Variants in HNRNPL observed in about 807,000 individuals in gnomAD.
The protein encoded by HNRNPL is heterogeneous nuclear ribonucleoprotein L.
HNRNPL carries 12 observed loss-of-function variants against 64.0 expected under a neutral mutation model. The ratio of observed to expected loss-of-function variants is 0.19; its 90% CI spans 0.12 to 0.30. HNRNPL has a LOEUF of 0.30. Among genes scored for constraint, HNRNPL ranks in the 10% least tolerant of loss-of-function variants. The pLI is 1.00. For missense variants in HNRNPL, 484 were observed against 797.4 expected, an observed-to-expected ratio of 0.61 and a Z score of 4.73; for synonymous variants, 385 against 313.0, an observed-to-expected ratio of 1.23 and a Z score of -2.43.
intron 10 of HNRNPL, 96 bp from the exon 11 acceptor site, chr19:38,837,747 G>C: frequency 2.0e-6 from 2 of 1,023,316 alleles, no homozygotes; most frequent in African/African-American, 1.6e-5. Flanking sequence ...AGTACTTGAA[G>C]TTTTCAGGAG....
intron 6 of HNRNPL, chr19:38,840,884 A>G (rs768469707): frequency 8.2e-5 from 30 of 364,386 alleles, no homozygotes; most frequent in Admixed American, 3.9e-4. Context: ...TGCAGCTGCT[A>G]CAGAAGCTGA....
intron 4 of HNRNPL, 160 bp downstream of exon 4, chr19:38,845,490 T>G: frequency 1.5e-6 from 1 of 650,158 alleles, no homozygotes; most frequent in South Asian, 1.8e-5. Context: ...GCCTGGTCCT[T>G]TAACTGCCTC....
rs2145441360 is a variant in HNRNPL, at chr19:38,849,703, A to G, written c.264T>C (p.Gly88=). The G allele has an allele frequency of 2.9e-6, 4 of 1,356,694 alleles. No homozygotes were observed. Among genetic ancestry groups the G allele is most frequent in the Non-Finnish European group, 3.8e-6 (4 of 1,064,654 alleles). 84.0% of individuals were successfully genotyped at this position (1,356,694 alleles called of 1,614,324 possible). ...GGAGAAGGGG[G]GENYDDPHKT... ...GCGCCTAGGGCCCTGGCCTCACCCC[A>G]CCGCCGCCGCCGCCCGCCGCCCCGG... Residue 88 remains glycine (G), a synonymous_variant, in exon 1 of 13, where the codon GGT becomes GGC. Coordinates refer to ENST00000221419, the MANE Select transcript of HNRNPL (RefSeq NM_001533.3).
chr19:38,840,044 TGGCAAGATACGA>T, intron 8 of HNRNPL, 40 bp downstream of exon 8: 1 of 1,581,034 alleles, frequency 6.3e-7, no homozygotes, highest in Middle Eastern at 1.7e-4. Flanking sequence ...CCGTGCTGAC[TGGCAAGATACGA>T]GGCTCAGCGA....
At chr19:38,838,350 C>T (rs778637354) in intron 10 of HNRNPL, 47 bp downstream of exon 10, 24 of 1,497,460 alleles carry the variant, frequency 1.6e-5, no homozygotes, top group South Asian at 9.4e-5. Context: ...CCTACTCAGA[C>T]GGCCGTGGCA....
intron 6 of HNRNPL, chr19:38,841,852 G>A: frequency 2.6e-6 from 1 of 381,042 alleles, no homozygotes; most frequent in South Asian, 2.0e-5. Flanking sequence ...TATGAAGTGG[G>A]TAGTGTCCCT....
intron 1 of HNRNPL, 48 bp from the exon 2 acceptor site, chr19:38,847,482 G>A (rs1332410911): frequency 8.3e-7 from 1 of 1,206,672 alleles, no homozygotes; most frequent in African/African-American, 1.6e-5. Context: ...TGTACAAGAT[G>A]ACGCCCCACT....
chr19:38,849,930 G>A lies in HNRNPL; in HGVS notation c.37C>T (p.Arg13Cys), dbSNP rs1345353854. Residue 13 changes from arginine (R) to cysteine (C), a missense_variant, in exon 1 of 13, where the codon CGT becomes TGT. Coordinates refer to ENST00000221419, the MANE Select transcript of HNRNPL (RefSeq NM_001533.3). Reference sequence around the variant, plus strand: ...TGCTGCCTCTGCTCCAGCCGCCGACGCCGCTTCTCCGCCCGGGGCAGCAGC... The same window carrying A: ...TGCTGCCTCTGCTCCAGCCGCCGACACCGCTTCTCCGCCCGGGGCAGCAGC... ...RRLLPRAEKR[R>C]RRLEQRQQPD... 4 of 1,355,790 alleles carry A rather than the reference G, an allele frequency of 3.0e-6. No homozygotes were observed. Among genetic ancestry groups the A allele is most frequent in the Admixed American group, 2.5e-5 (1 of 40,460 alleles). The allele number at this position is 1,355,790 out of a possible 1,614,324, so 84.0% of individuals were successfully genotyped here.
At chr19:38,843,586 TG>T in intron 6 of HNRNPL, 1 of 516,564 alleles carries the variant, frequency 1.9e-6, no homozygotes, top group South Asian at 2.4e-5. Flanking sequence ...AGTGAGGCCC[TG>T]CTCCCCGCCC....
chr19:38,848,536 T>C (rs1244683596), intron 1 of HNRNPL, among the ~76,000 whole-genome samples: 1 of 152,198 alleles, frequency 6.6e-6, no homozygotes, highest in Non-Finnish European at 1.5e-5. Flanking sequence ...TCTCCTGGGC[T>C]CTGGGGCCGG....
At chr19:38,850,783 A>G (rs942199815), upstream of HNRNPL, among the ~76,000 whole-genome samples, 4 of 152,130 alleles carry the variant, frequency 2.6e-5, no homozygotes, top group Non-Finnish European at 5.9e-5. Context: ...CCCAAATCTG[A>G]GCCTTTTCCT....
chr19:38,844,546 C>T (rs748517759), intron 4 of HNRNPL, among the ~76,000 whole-genome samples: 3 of 152,150 alleles, frequency 2.0e-5, no homozygotes, highest in Non-Finnish European at 4.4e-5. Flanking sequence ...CCAAACCCGT[C>T]TGCTTGCCAG....
chr19:38,844,492 C>G (rs1441608553), intron 4 of HNRNPL, among the ~76,000 whole-genome samples: 1 of 152,174 alleles, frequency 6.6e-6, no homozygotes, highest in Non-Finnish European at 1.5e-5. Context: ...CCAAGCATCG[C>G]AACGCTGTCT....
At chr19:38,851,969 C>G (rs1234447055), upstream of HNRNPL, among the ~76,000 whole-genome samples, 1 of 151,602 alleles carries the variant, frequency 6.6e-6, no homozygotes, top group East Asian at 2.0e-4. Context: ...GAGGCCGGGC[C>G]GGTCGCGACG....
At chr19:38,849,606 G>A (rs1972432423) in intron 1 of HNRNPL, 94 bp downstream of exon 1, 3 of 1,281,962 alleles carry the variant, frequency 2.3e-6, no homozygotes, top group Admixed American at 3.5e-5. Context: ...CTGGGCGCGT[G>A]CGCAGAGGCC....
chr19:38,838,863 C>T, intron 9 of HNRNPL, 31 bp downstream of exon 9: 1 of 1,613,754 alleles, frequency 6.2e-7, no homozygotes, highest in Non-Finnish European at 8.5e-7. Context: ...TCCCCTGTAC[C>T]TCTGCTGCCC....
intron 6 of HNRNPL, among the ~76,000 whole-genome samples, chr19:38,842,619 A>T (rs1972153413): frequency 6.6e-6 from 1 of 152,050 alleles, no homozygotes; most frequent in Non-Finnish European, 1.5e-5. Flanking sequence ...CTCTCCAGGA[A>T]GAGCTAGTGG....
At chr19:38,850,157 A>G (rs1972463562), upstream of HNRNPL, 5 of 482,424 alleles carry the variant, frequency 1.0e-5, no homozygotes, top group South Asian at 3.5e-5. Context: ...TGTCTGAGAC[A>G]CTCCTTATAG....
In HNRNPL at chr19:38,845,679, G is replaced by A. The variant is rs776236744; in HGVS notation, c.681C>T (p.Phe227=). The part of the protein sequence containing the change: ...PCGPVQRIVI[F]RKNGVQAMVE... ...CCATCGCCTGAACTCCATTCTTCCTGAAAATGACAATTCTCTGGACAGGGC... is the reference window on the plus strand; with the variant it reads ...CCATCGCCTGAACTCCATTCTTCCTAAAAATGACAATTCTCTGGACAGGGC... Residue 227 remains phenylalanine, a synonymous_variant, in exon 4 of 13, where the codon TTC becomes TTT. Coordinates refer to ENST00000221419, the MANE Select transcript of HNRNPL (RefSeq NM_001533.3). The A allele has an allele frequency of 1.2e-6, 2 of 1,613,832 alleles. No homozygotes were observed. The highest frequency in any genetic ancestry group is 2.2e-5 in the South Asian group (2 of 91,076).
Sources: gnomAD v4.1 joint callset for allele counts (sites outside exome capture counted in the v4.1 genomes callset) on GRCh38, gnomAD v4.1.1 for gene constraint, MANE v1.5 for transcripts, NCBI Gene and HGNC (gene_info 2026-07-23, HGNC 2026-07-21) for gene names.